The following ACSBG2 variants were observed in gnomAD, a reference collection of about 807,000 sequenced individuals.
ACSBG2 encodes long-chain-fatty-acid--CoA ligase ACSBG2.
In ACSBG2, 62 loss-of-function variants were observed where a neutral mutation model predicts 74.7. The ratio of observed to expected loss-of-function variants is 0.83; its 90% CI spans 0.68 to 1.03. The LOEUF is 1.03. Ranked by LOEUF, ACSBG2 falls within the 50% of genes least tolerant of loss-of-function variation. The pLI is 0.00. For synonymous variants in ACSBG2, 309 were observed against 294.1 expected, an observed-to-expected ratio of 1.05 and a Z score of -0.52; for missense variants, 730 against 817.6, an observed-to-expected ratio of 0.89 and a Z score of 1.31.
chr19:6,168,941 G>A (rs2089890419), intron 7 of ACSBG2, among the ~76,000 whole-genome samples: 1 of 152,034 alleles, frequency 6.6e-6, no homozygotes. Flanking sequence ...ACCACACCTG[G>A]CTAATTTTTG....
At chr19:6,182,696 C>A in intron 8 of ACSBG2, 55 bp from the exon 9 acceptor site, 1 of 1,549,458 alleles carries the variant, frequency 6.5e-7, no homozygotes, top group Admixed American at 1.8e-5. Flanking sequence ...GAGAGATGGA[C>A]ATCCCTGGTG....
At chr19:6,165,752 G>A (rs2089773447) in intron 6 of ACSBG2, 114 bp from the exon 7 acceptor site, 1 of 1,318,052 alleles carries the variant, frequency 7.6e-7, no homozygotes, top group African/African-American at 1.4e-5. Context: ...CACATCCTAA[G>A]CCCTTCCACC....
At chr19:6,147,107 A>G (rs2089060719) in intron 2 of ACSBG2, among the ~76,000 whole-genome samples, 2 of 152,138 alleles carry the variant, frequency 1.3e-5, no homozygotes, top group African/African-American at 4.8e-5. Flanking sequence ...CTCCAGAAAA[A>G]AAGAAAGAAA....
chr19:6,187,479 G>C (rs2090440670), intron 12 of ACSBG2, 57 bp downstream of exon 12: 1 of 1,606,708 alleles, frequency 6.2e-7, no homozygotes, highest in Non-Finnish European at 8.5e-7. Context: ...TGGGTTCCCT[G>C]GCCCCACCCC....
At chr19:6,176,201 T>C in intron 7 of ACSBG2, 1 of 937,674 alleles carries the variant, frequency 1.1e-6, no homozygotes, top group Non-Finnish European at 1.4e-6. Context: ...ATCTGTCGAA[T>C]GATTAACAAC....
intron 7 of ACSBG2, among the ~76,000 whole-genome samples, chr19:6,166,237 A>G (rs902163358): frequency 4.7e-5 from 7 of 147,908 alleles, no homozygotes; most frequent in Admixed American, 3.3e-4. Flanking sequence ...CTGGCAGGGT[A>G]TGCACCCAGC....
intron 1 of ACSBG2, among the ~76,000 whole-genome samples, chr19:6,136,385 C>T (rs2088569216): frequency 6.6e-6 from 1 of 151,860 alleles, no homozygotes; most frequent in African/African-American, 2.4e-5. Context: ...AGCCGCCATA[C>T]TCGGCCTAAT....
At chr19:6,192,508 C>CTA (rs1474328705) in intron 14 of ACSBG2, among the ~76,000 whole-genome samples, 160 bp from the exon 15 acceptor site, 14 of 152,118 alleles carry the variant, frequency 9.2e-5, no homozygotes, top group African/African-American at 3.4e-4. Context: ...TAGTGCCACT[C>CTA]TAAAGTTCAT....
At chr19:6,145,468 A>G (rs1325565655) in intron 2 of ACSBG2, among the ~76,000 whole-genome samples, 2 of 151,006 alleles carry the variant, frequency 1.3e-5, no homozygotes, top group Non-Finnish European at 2.9e-5. Flanking sequence ...TCATAGGTGG[A>G]TGTGCAATTT....
In ACSBG2 at chr19:6,174,476, A is replaced by G. The variant is rs1392474404; in HGVS notation, c.739-2753A>G. 1.3e-5 allele frequency among the ~76,000 whole-genome samples: 2 copies of G among 152,210 alleles called. No individual in the cohort carries two copies. The highest frequency in any genetic ancestry group is 2.9e-5 in the Non-Finnish European group (2 of 68,032). ...ACATATACATAAAATGCTTAGAACA[A>G]TGCCTGGCATACAGGAAGCCATGTC... On this transcript the variant is annotated intron_variant, in intron 7 of 14. Coordinates refer to ENST00000588485, the MANE Select transcript of ACSBG2 (RefSeq NM_030924.5). This position sits in a 1 kb window ranked among gnomAD's most constrained non-coding sequence, Gnocchi z 4.2.
At chr19:6,136,571 C>T (rs562712070) in intron 1 of ACSBG2, among the ~76,000 whole-genome samples, 67 of 152,068 alleles carry the variant, frequency 4.4e-4, no homozygotes, top group Non-Finnish European at 8.8e-4. Flanking sequence ...CCATGCCAGC[C>T]AGGCTGGTCT....
chr19:6,142,481 G>A (rs967081425), intron 2 of ACSBG2, among the ~76,000 whole-genome samples: 7 of 151,878 alleles, frequency 4.6e-5, no homozygotes, highest in African/African-American at 1.2e-4. Context: ...GGCCGGGTGC[G>A]GTGGCTCACA....
At chr19:6,176,481 A>AG in intron 7 of ACSBG2, 1 of 1,206,748 alleles carries the variant, frequency 8.3e-7, no homozygotes, top group Non-Finnish European at 1.1e-6. Context: ...CCTTATACTG[A>AG]CTTATGAAAA....
chr19:6,141,539 C>G lies in ACSBG2; in HGVS notation c.-5C>G. On this transcript the variant is annotated 5_prime_UTR_variant, in exon 2 of 15. Coordinates refer to ENST00000588485, the MANE Select transcript of ACSBG2 (RefSeq NM_030924.5). ...GCTGTGGAGCATGGTTTCTGCACAC[C>G]TGGAATGACTGGAACCCCAAAGACT... 12 of 1,607,264 alleles carry G rather than the reference C, an allele frequency of 7.5e-6. No individual in the cohort carries two copies. The highest frequency in any genetic ancestry group is 8.5e-6 in the Non-Finnish European group (10 of 1,173,818).
intron 2 of ACSBG2, among the ~76,000 whole-genome samples, chr19:6,144,957 A>G (rs1216839953): frequency 1.3e-5 from 2 of 151,906 alleles, no homozygotes; most frequent in Admixed American, 6.6e-5. Context: ...CGGCCTCCCA[A>G]AAGTGTTGGG....
At chr19:6,177,002 TA>T (rs1206396837) in intron 7 of ACSBG2, among the ~76,000 whole-genome samples, 2 of 150,578 alleles carry the variant, frequency 1.3e-5, no homozygotes, top group South Asian at 2.1e-4. Flanking sequence ...CAAAAAAAGT[TA>T]AAAAAAAATT....
chr19:6,144,280 AAGCCACTGCACCC>A (rs2088951322), intron 2 of ACSBG2, among the ~76,000 whole-genome samples: 2 of 152,176 alleles, frequency 1.3e-5, no homozygotes, highest in South Asian at 4.1e-4. Flanking sequence ...TTACAGGCAC[AAGCCACTGCACCC>A]AGCCTACTGA....
At chr19:6,164,275 C>T (rs1419442458) in intron 6 of ACSBG2, among the ~76,000 whole-genome samples, 1 of 152,128 alleles carries the variant, frequency 6.6e-6, no homozygotes, top group Non-Finnish European at 1.5e-5. Context: ...TGAGAAAGGA[C>T]AGGTTCCCCC....
chr19:6,191,846 G>T (rs1568263252), intron 14 of ACSBG2: 1 of 151,970 alleles, frequency 6.6e-6, no homozygotes. Flanking sequence ...TTGTGGGTGG[G>T]CCCAGCAGTT....
Sources: gnomAD v4.1 joint callset for allele counts (sites outside exome capture counted in the v4.1 genomes callset) on GRCh38, gnomAD v4.1.1 for gene constraint, Gnocchi (gnomAD v3.1) non-coding constraint, MANE v1.5 for transcripts, NCBI Gene and HGNC (gene_info 2026-07-23, HGNC 2026-07-21) for gene names.